EPS8: variants seen among roughly 807,000 people sequenced by gnomAD.
The protein encoded by EPS8 is epidermal growth factor receptor kinase substrate 8.
EPS8 carries 42 observed loss-of-function variants against 103.8 expected under a neutral mutation model. The ratio of observed to expected loss-of-function variants is 0.40; its 90% CI spans 0.32 to 0.52. EPS8 has a LOEUF of 0.52. EPS8 is among the 20% of genes least tolerant of loss of function. EPS8 has a pLI of 0.40. For synonymous variants in EPS8, 344 were observed against 344.6 expected (o/e 1.00, Z 0.02); for missense variants, 969 against 1,005.1 (o/e 0.96, Z 0.49).
chr12:15,786,115 A>G (rs1460418506), intron 1 of EPS8, among the ~76,000 whole-genome samples: 3 of 152,062 alleles, frequency 2.0e-5, no homozygotes, highest in South Asian at 2.1e-4. Flanking sequence ...CTAAGAGCAC[A>G]GCATGAAAAA....
chr12:15,665,334 ATT>A (rs1316398324), intron 8 of EPS8: 62 of 159,588 alleles, frequency 3.9e-4, no homozygotes, highest in South Asian at 1.0e-3. Context: ...CTAAGATTTG[ATT>A]TTTTTTTTTT....
At position 15,764,023 on chromosome 12, in the gene EPS8, T is replaced by G. The variant is rs1947068212; in HGVS notation, c.-22+25138A>C. On this transcript the variant is annotated intron_variant, in intron 1 of 20. Coordinates refer to ENST00000281172, the MANE Select transcript of EPS8 (RefSeq NM_004447.6). This position sits in a 1 kb window ranked among gnomAD's most constrained non-coding sequence, Gnocchi z 4.1. Reference sequence around the variant, plus strand: ...TATTAGTATATTCTCACACTAATAATAGACATACCTGAGACTAATTTATAA... The same window carrying G: ...TATTAGTATATTCTCACACTAATAAGAGACATACCTGAGACTAATTTATAA... 6.6e-6 allele frequency among the ~76,000 whole-genome samples: 1 copy of G among 152,202 alleles called. No individual in the cohort carries two copies. The highest frequency in any genetic ancestry group is 1.5e-5 in the Non-Finnish European group (1 of 68,038).
chr12:15,634,814 A>G (rs1301458992), intron 17 of EPS8: 1 of 398,500 alleles, frequency 2.5e-6, no homozygotes, highest in African/African-American at 2.1e-5. Flanking sequence ...AATACAGGAA[A>G]TGGAATTAAA....
rs1336309377 is a variant in EPS8 at position 15,660,716 on chromosome 12, C to T, written c.835G>A (p.Asp279Asn). 2 of 1,606,942 alleles carry T rather than the reference C, an allele frequency of 1.2e-6. No homozygotes were observed. The highest frequency in any genetic ancestry group is 1.3e-5 in the African/African-American group (1 of 74,632). Reference protein sequence around the residue: ...DVQILNHILDDIEFFITKLQK... With the variant: ...DVQILNHILDNIEFFITKLQK... ...AGTTTTGTGATAAAAAATTCAATGT[C>T]ATCCAAAATGTGGTTTAAGATTTGC... Residue 279 changes from aspartate to asparagine, a missense_variant, in exon 10 of 21, where the codon GAC becomes AAC. Coordinates refer to ENST00000281172, the MANE Select transcript of EPS8 (RefSeq NM_004447.6).
intron 8 of EPS8, among the ~76,000 whole-genome samples, chr12:15,663,289 G>C (rs188211653): frequency 6.6e-6 from 1 of 152,070 alleles, no homozygotes; most frequent in Non-Finnish European, 1.5e-5. Context: ...TCTGAAACAC[G>C]ACTAGGAACC....
At chr12:15,672,643 T>A (rs1284159130) in intron 3 of EPS8, 1 of 393,988 alleles carries the variant, frequency 2.5e-6, no homozygotes, top group Non-Finnish European at 4.5e-6. Flanking sequence ...ATTTTTCTGA[T>A]TAGTTGTTGA....
chr12:15,681,325 A>C, intron 2 of EPS8, 23 bp from the exon 3 acceptor site: 1 of 990,214 alleles, frequency 1.0e-6, no homozygotes. Context: ...TAATAATAAT[A>C]ATAATAATAA....
At position 15,785,421 on chromosome 12, in the gene EPS8, A is replaced by T. The variant is rs748513241; in HGVS notation, c.-22+3740T>A. 6.6e-6 allele frequency among the ~76,000 whole-genome samples: 1 copy of T among 152,166 alleles called. No individual in the cohort carries two copies. Among genetic ancestry groups the T allele is most frequent in the Non-Finnish European group, 1.5e-5 (1 of 67,958 alleles). ...AAATGTATGGCAGATGGTGCAAACC[A>T]GGTTTCTTCTCACTGTTGGAGTAAG... On this transcript the variant is annotated intron_variant, in intron 1 of 20. Coordinates refer to ENST00000281172, the MANE Select transcript of EPS8 (RefSeq NM_004447.6). This position sits in a 1 kb window ranked among gnomAD's most constrained non-coding sequence, Gnocchi z 4.9.
chr12:15,765,959 G>A (rs555628799), intron 1 of EPS8, among the ~76,000 whole-genome samples: 1 of 151,356 alleles, frequency 6.6e-6, no homozygotes, highest in African/African-American at 2.4e-5. Context: ...GATTACAGGC[G>A]CGTGCCACCA....
At chr12:15,788,697 T>A (rs1947335300) in intron 1 of EPS8, among the ~76,000 whole-genome samples, 1 of 151,862 alleles carries the variant, frequency 6.6e-6, no homozygotes, top group South Asian at 2.1e-4. Context: ...TAAACGGGGG[T>A]GGGACCCTGC....
chr12:15,650,906 G>C lies in EPS8; in HGVS notation c.1351C>G (p.Gln451Glu). 6.2e-7 allele frequency: 1 copy of C among 1,613,988 alleles called. No homozygotes were observed. The highest frequency in any genetic ancestry group is 1.3e-5 in the African/African-American group (1 of 75,022). The change falls in exon 14 of 21, where the codon CAA becomes GAA. Residue 451 changes from glutamine (Q) to glutamate (E), a missense_variant. Transcript: ENST00000281172. Reference sequence around the variant, plus strand: ...GATTCTGCCAGTTGATAAAGATCTTGTTCCATTGTGGCTCCCATAAAGTTC... The same window carrying C: ...GATTCTGCCAGTTGATAAAGATCTTCTTCCATTGTGGCTCCCATAAAGTTC... ...MLNFMGATME[Q>E]DLYQLAESVA...
At chr12:15,743,064 T>C (rs1946841454) in intron 1 of EPS8, among the ~76,000 whole-genome samples, 1 of 152,174 alleles carries the variant, frequency 6.6e-6, no homozygotes, top group South Asian at 2.1e-4. Flanking sequence ...TTCAGCGAAG[T>C]CTCAGGATAC....
chr12:15,658,569 C>T lies in EPS8; in HGVS notation c.954G>A (p.Leu318=). Residue 318 remains leucine, a synonymous_variant, in exon 11 of 21, where the codon CTG becomes CTA. Transcript: ENST00000281172. ...CATCAGGAGGTGGAGGTTTTGCCCG[C>T]AGCGTTAAAACACCCTCTAATGAAA... ...RKGPGEGVLT[L]RAKPPPPDEF... 6.2e-7 allele frequency: 1 copy of T among 1,612,512 alleles called. No homozygotes were observed. The highest frequency in any genetic ancestry group is 8.5e-7 in the Non-Finnish European group (1 of 1,178,732).
At chr12:15,629,811 G>C (rs181036053) in intron 18 of EPS8, among the ~76,000 whole-genome samples, 149 of 152,264 alleles carry the variant, frequency 9.8e-4, no homozygotes, top group African/African-American at 3.6e-3. Flanking sequence ...AATAGTTTTA[G>C]TGTCTTTTTT....
intron 3 of EPS8, among the ~76,000 whole-genome samples, chr12:15,674,076 T>G (rs1945861630): frequency 6.6e-6 from 1 of 152,206 alleles, no homozygotes; most frequent in South Asian, 2.1e-4. Flanking sequence ...TCAGAAATAC[T>G]AAATTTAGGT....
chr12:15,783,344 G>A (rs61083481), intron 1 of EPS8, among the ~76,000 whole-genome samples: 4,493 of 152,192 alleles, frequency 0.03, 217 homozygotes, highest in African/African-American at 0.1. Flanking sequence ...TTATCAGTAA[G>A]GCTTCCAGTC....
intron 18 of EPS8, among the ~76,000 whole-genome samples, chr12:15,630,320 T>C (rs1023774602): frequency 2.0e-5 from 3 of 152,160 alleles, no homozygotes; most frequent in Non-Finnish European, 2.9e-5. Context: ...ACATCAAGTA[T>C]AGGTAAAGCC....
chr12:15,729,507 G>A (rs1050039050), intron 1 of EPS8, among the ~76,000 whole-genome samples: 4 of 152,050 alleles, frequency 2.6e-5, no homozygotes, highest in Non-Finnish European at 5.9e-5. Flanking sequence ...CAAGCTCACC[G>A]ATTCTTTCAT....
chr12:15,625,136 G>A (rs897793352), intron 18 of EPS8, among the ~76,000 whole-genome samples: 1 of 152,092 alleles, frequency 6.6e-6, no homozygotes, highest in Admixed American at 6.5e-5. Context: ...AAAATAGTTA[G>A]AAGAAAACCT....
Sources: gnomAD v4.1 joint callset for allele counts (sites outside exome capture counted in the v4.1 genomes callset) on GRCh38, gnomAD v4.1.1 for gene constraint, Gnocchi (gnomAD v3.1) non-coding constraint, MANE v1.5 for transcripts, NCBI Gene and HGNC (gene_info 2026-07-23, HGNC 2026-07-21) for gene names.